The following SOCS7 variants were observed in gnomAD, a reference collection of about 807,000 sequenced individuals.
SOCS7 encodes the protein suppressor of cytokine signaling 7.
SOCS7 carries 18 observed loss-of-function variants against 58.9 expected under a neutral mutation model. That is an observed-to-expected ratio of 0.31 (90% CI 0.21 to 0.45). SOCS7 has a LOEUF of 0.45. Among genes scored for constraint, SOCS7 ranks in the 20% least tolerant of loss-of-function variants. SOCS7 has a pLI of 1.00. For missense variants in SOCS7, 667 were observed against 837.3 expected (o/e 0.80, Z 2.51); for synonymous variants, 388 against 364.3 (o/e 1.06, Z -0.74).
At chr17:38,363,793 G>C (rs1555567891) in intron 2 of SOCS7, among the ~76,000 whole-genome samples, 1 of 152,044 alleles carries the variant, frequency 6.6e-6, no homozygotes, top group East Asian at 1.9e-4. Context: ...TACTAGCTGA[G>C]GGGCTCATTC....
In SOCS7 at chr17:38,352,880, C is replaced by G; in HGVS notation, c.828C>G (p.Ile276Met). The change falls in exon 1 of 10, where the codon ATC becomes ATG. Residue 276 changes from isoleucine to methionine, a missense_variant. Physicochemically the swap from Ile to Met is conservative, Grantham distance 10. Coordinates refer to ENST00000612932, the MANE Select transcript of SOCS7 (RefSeq NM_014598.4). This position sits in a 1 kb window ranked among gnomAD's most constrained non-coding sequence, Gnocchi z 5.5. ...CTTCTCGGAAGGGCTCCTTCAAAATCCGCCTCAGTCGCCTCTTTCGCACCA... is the reference window on the plus strand; with the variant it reads ...CTTCTCGGAAGGGCTCCTTCAAAATGCGCCTCAGTCGCCTCTTTCGCACCA... ...AGPSRKGSFK[I>M]RLSRLFRTKS... 2 of 1,596,918 alleles carry G rather than the reference C, an allele frequency of 1.3e-6. No homozygotes were observed. The highest frequency in any genetic ancestry group is 1.7e-6 in the Non-Finnish European group (2 of 1,172,602).
intron 1 of SOCS7, among the ~76,000 whole-genome samples, chr17:38,356,943 G>A (rs895608981): frequency 6.6e-6 from 1 of 152,142 alleles, no homozygotes; most frequent in Admixed American, 6.5e-5. Context: ...GAATCATCAC[G>A]TAATACACAC....
At chr17:38,370,686 A>G (rs2037851749) in intron 6 of SOCS7, among the ~76,000 whole-genome samples, 5 of 149,270 alleles carry the variant, frequency 3.3e-5, no homozygotes, top group African/African-American at 7.5e-5. Context: ...GTCTTGCTCC[A>G]TCGCCCAGGC....
In SOCS7 at chr17:38,364,820, C is replaced by A. The variant is rs1321564407; in HGVS notation, c.1114C>A (p.Pro372Thr). 1 of 1,613,830 alleles carries A rather than the reference C, an allele frequency of 6.2e-7. No individual in the cohort carries two copies. Among genetic ancestry groups the A allele is most frequent in the Non-Finnish European group, 8.5e-7 (1 of 1,179,906 alleles). ...CCTGACCTCTCCACACCCTCCAACTCCCCCTCCTCCTCCGAGAAGAAGCCT... is the reference window on the plus strand; with the variant it reads ...CCTGACCTCTCCACACCCTCCAACTACCCCTCCTCCTCCGAGAAGAAGCCT... ...RGLTSPHPPT[P>T]PPPPRRSLSL... Residue 372 changes from proline (P) to threonine (T), a missense_variant, in exon 3 of 10, where the codon CCC becomes ACC. Physicochemically the swap from Pro to Thr is conservative, Grantham distance 38. Transcript: ENST00000612932.
At chr17:38,381,946 CAAAAAAAAAAAAAAA>C (rs55949628) in intron 7 of SOCS7, among the ~76,000 whole-genome samples, 2 of 17,672 alleles carry the variant, frequency 1.1e-4, no homozygotes, top group Admixed American at 6.6e-4. Context: ...GACTCTGTCT[CAAAAAAAAAAAAAAA>C]AAAAAAAAAA....
chr17:38,397,131 C>A (rs770698057), intron 9 of SOCS7, among the ~76,000 whole-genome samples: 14 of 152,170 alleles, frequency 9.2e-5, no homozygotes, highest in Admixed American at 2.0e-4. Flanking sequence ...GCTCAAACTT[C>A]ATCATATGGG....
intron 2 of SOCS7, among the ~76,000 whole-genome samples, chr17:38,363,363 C>G (rs2037745445): frequency 6.6e-6 from 1 of 152,118 alleles, no homozygotes; most frequent in South Asian, 2.1e-4. Context: ...TGACACAGGG[C>G]CTCACTTTGT....
At chr17:38,390,665 TTCCTTCC>T (rs2038159646) in intron 7 of SOCS7, among the ~76,000 whole-genome samples, 6 of 150,160 alleles carry the variant, frequency 4.0e-5, no homozygotes, top group African/African-American at 1.5e-4. Flanking sequence ...CCTTCCTTCC[TTCCTTCC>T]TTCCTTCCTT....
chr17:38,373,325 A>C (rs1208916648), intron 6 of SOCS7, among the ~76,000 whole-genome samples: 1 of 152,228 alleles, frequency 6.6e-6, no homozygotes, highest in Non-Finnish European at 1.5e-5. Flanking sequence ...AAGAGGCAGC[A>C]GACAGGTTCC....
chr17:38,378,178 G>A (rs898784292), intron 7 of SOCS7, among the ~76,000 whole-genome samples: 4 of 152,170 alleles, frequency 2.6e-5, no homozygotes, highest in Middle Eastern at 3.2e-3. Context: ...AGAGCTCTCA[G>A]GTCCTACCCA....
At chr17:38,358,036 A>G (rs1242012692) in intron 1 of SOCS7, among the ~76,000 whole-genome samples, 5 of 152,188 alleles carry the variant, frequency 3.3e-5, no homozygotes, top group East Asian at 1.9e-4. Context: ...TACCTACAGC[A>G]TAGGCAGTAA....
At chr17:38,369,676 T>A (rs1275734075) in intron 6 of SOCS7, among the ~76,000 whole-genome samples, 1 of 146,670 alleles carries the variant, frequency 6.8e-6, no homozygotes, top group Non-Finnish European at 1.5e-5. Context: ...TCCGATTACT[T>A]TTTTTTTTTT....
chr17:38,381,778 A>G (rs763782847), intron 7 of SOCS7, among the ~76,000 whole-genome samples: 2 of 151,402 alleles, frequency 1.3e-5, no homozygotes, highest in Non-Finnish European at 2.9e-5. Flanking sequence ...ACCCTGGGCA[A>G]TATGGTGAAA....
chr17:38,367,754 G>A lies in SOCS7; in HGVS notation c.1384-128G>A, dbSNP rs1555568583. 3 of 737,310 alleles carry A rather than the reference G, an allele frequency of 4.1e-6. No homozygotes were observed. The African/African-American group carries it at 5.3e-5, about 13-fold the overall frequency. 45.7% of individuals were successfully genotyped at this position (737,310 alleles called of 1,614,324 possible). On this transcript the variant is annotated intron_variant, in intron 5 of 9. Transcript: ENST00000612932. ...TTGCTAATGGTTGAGACACTTGTAA[G>A]TGGCTTTTACCTATTGAAATATTTT...
At chr17:38,362,637 A>G (rs587638813) in intron 2 of SOCS7, among the ~76,000 whole-genome samples, 2 of 152,376 alleles carry the variant, frequency 1.3e-5, no homozygotes, top group African/African-American at 4.8e-5. Context: ...AAGCAGGCCA[A>G]TGAGACTTGC....
intron 9 of SOCS7, among the ~76,000 whole-genome samples, chr17:38,399,229 G>A (rs377501620): frequency 1.3e-3 from 195 of 152,342 alleles, no homozygotes; most frequent in African/African-American, 4.5e-3. Flanking sequence ...AAATGAAGGG[G>A]TAAGGGAAAG....
intron 9 of SOCS7, among the ~76,000 whole-genome samples, chr17:38,396,717 T>G (rs1184030260): frequency 2.6e-5 from 4 of 152,200 alleles, no homozygotes; most frequent in Admixed American, 6.5e-5. Flanking sequence ...GTGAACATTG[T>G]GGGGCCAAGT....
chr17:38,387,896 T>A (rs150654818), intron 7 of SOCS7, among the ~76,000 whole-genome samples: 1,830 of 150,394 alleles, frequency 0.012, 36 homozygotes, highest in African/African-American at 0.043. Context: ...CAGCCTCCCA[T>A]GTAGCTGGGA....
At chr17:38,398,949 GC>G (rs2038280774) in intron 9 of SOCS7, among the ~76,000 whole-genome samples, 1 of 152,106 alleles carries the variant, frequency 6.6e-6, no homozygotes, top group African/African-American at 2.4e-5. Context: ...AATTAGCCAG[GC>G]ATGGTGGCGC....
Sources: allele counts gnomAD v4.1 joint callset (sites outside exome capture counted in the v4.1 genomes callset), GRCh38; gene constraint gnomAD v4.1.1; non-coding constraint Gnocchi (gnomAD v3.1); transcripts MANE v1.5; gene names NCBI Gene and HGNC (gene_info 2026-07-23, HGNC 2026-07-21).